SPG21: variants seen among roughly 807,000 people sequenced by gnomAD.
The protein encoded by SPG21 is SPG21 abhydrolase domain containing, maspardin, also known as maspardin.
Under a neutral mutation model 38.9 loss-of-function variants are expected in SPG21, and 26 were observed. The ratio of observed to expected loss-of-function variants is 0.67; its 90% CI spans 0.49 to 0.93. The LOEUF (loss-of-function observed/expected upper bound fraction) is 0.93. Among genes scored for constraint, SPG21 ranks in the 40% least tolerant of loss-of-function variants. SPG21 has a pLI of 0.00. For missense variants in SPG21, 333 were observed against 376.5 expected, an observed-to-expected ratio of 0.88 and a Z score of 0.96; for synonymous variants, 136 against 128.9, an observed-to-expected ratio of 1.05 and a Z score of -0.37.
intron 3 of SPG21, among the ~76,000 whole-genome samples, chr15:64,977,891 C>T (rs536953863): frequency 9.2e-5 from 14 of 152,020 alleles, no homozygotes; most frequent in African/African-American, 2.9e-4. Context: ...GGCGCGATCT[C>T]GGCTCACTGC....
In SPG21 at chr15:64,969,355, C is replaced by T. The variant is rs899108970; in HGVS notation, c.569G>A (p.Ser190Asn). 8.1e-6 allele frequency: 13 copies of T among 1,611,402 alleles called. No homozygotes were observed. The highest frequency in any genetic ancestry group is 8.5e-6 in the Non-Finnish European group (10 of 1,177,728). The change falls in exon 7 of 9, where the codon AGT (serine) becomes AAT (asparagine). Residue 190 changes from serine (S) to asparagine (N), a missense_variant. Transcript: ENST00000204566. ...AIDFMVDRLE[S>N]LGQSELASRL... is the part of the protein sequence containing the mutation. ...TGAAGCCAGTTCACTCTGACCCAAA[C>T]TTTCTAGCTGCAGGAAGAAACACAG...
Position 64,965,411 on chromosome 15 carries a change from T to C in SPG21, c.719A>G (p.Lys240Arg), listed in dbSNP as rs925146441. 4 of 1,614,188 alleles carry C rather than the reference T, an allele frequency of 2.5e-6. No homozygotes were observed. In the East Asian group the frequency reaches 8.9e-5, roughly 36 times the overall value. Residue 240 changes from lysine (K) to arginine (R), a missense_variant, in exon 8 of 9, where the codon AAG becomes AGG. Physicochemically the swap from Lys to Arg is conservative, Grantham distance 26. Transcript: ENST00000204566. ...AGCTCTTCGGGCATTAGGATACAGC[T>C]TGTACATTTCTTCTTTAGCTTCAGT... is the stretch of plus-strand genomic sequence containing the variant. The part of the protein sequence containing the change: ...LSTEAKEEMY[K>R]LYPNARRAHL...
chr15:64,974,132 C>T (rs2085728603), intron 5 of SPG21, among the ~76,000 whole-genome samples: 1 of 152,124 alleles, frequency 6.6e-6, no homozygotes, highest in Non-Finnish European at 1.5e-5. Flanking sequence ...AGAGTTCATT[C>T]AATTCTTTCC....
intron 3 of SPG21, among the ~76,000 whole-genome samples, chr15:64,977,105 G>A (rs140707159): frequency 1.3e-5 from 2 of 152,162 alleles, no homozygotes; most frequent in East Asian, 3.9e-4. Flanking sequence ...CTCCTCTGTT[G>A]CCCAGGCTGG....
At chr15:64,982,859 T>C (rs894888049) in intron 2 of SPG21, 3 of 152,260 alleles carry the variant, frequency 2.0e-5, no homozygotes, top group East Asian at 1.9e-4. Flanking sequence ...GGAACAGGAA[T>C]ATAATCTGAC....
Position 64,965,418 on chromosome 15 carries a change from T to C in SPG21, c.712A>G (p.Met238Val). ...CGGGCATTAGGATACAGCTTGTACA[T>C]TTCTTCTTTAGCTTCAGTTGAAAGC... ...SALSTEAKEE[M>V]YKLYPNARRA... The change falls in exon 8 of 9, where the codon ATG becomes GTG. Residue 238 changes from methionine to valine, a missense_variant. Coordinates refer to ENST00000204566, the MANE Select transcript of SPG21 (RefSeq NM_016630.7). 1 of 1,614,190 alleles carries C rather than the reference T, an allele frequency of 6.2e-7. No individual in the cohort carries two copies. The highest frequency in any genetic ancestry group is 1.3e-5 in the African/African-American group (1 of 75,040).
intron 1 of SPG21, among the ~76,000 whole-genome samples, chr15:64,984,697 A>G (rs957863630): frequency 6.6e-6 from 1 of 151,934 alleles, no homozygotes; most frequent in Non-Finnish European, 1.5e-5. Context: ...TAAATTCGCA[A>G]TACACCATAA....
At chr15:64,971,008 G>A (rs1475455293) in intron 5 of SPG21, among the ~76,000 whole-genome samples, 1 of 151,918 alleles carries the variant, frequency 6.6e-6, no homozygotes, top group Non-Finnish European at 1.5e-5. Flanking sequence ...CCACAGTGCT[G>A]GGATCACAGG....
At chr15:64,969,969 C>G in intron 6 of SPG21, 145 bp downstream of exon 6, 1 of 794,000 alleles carries the variant, frequency 1.3e-6, no homozygotes, top group Admixed American at 1.7e-5. Context: ...CAAGCCCTTA[C>G]CAGCAATAAT....
chr15:64,970,306 C>T lies in SPG21; in HGVS notation c.453-84G>A, dbSNP rs112983362. On this transcript the variant is annotated intron_variant, in intron 5 of 8. Transcript: ENST00000204566. ...ATTCAACATTAAAGCTTTGTATTAGCTTGGGATCTAGAAATAAAAAGTCCT... is the reference window on the plus strand; with the variant it reads ...ATTCAACATTAAAGCTTTGTATTAGTTTGGGATCTAGAAATAAAAAGTCCT... The T allele has an allele frequency of 7.5e-6, 9 of 1,195,002 alleles. No individual in the cohort carries two copies. In the Admixed American group the frequency reaches 1.4e-4, roughly 18 times the overall value. The allele number at this position is 1,195,002 out of a possible 1,614,324, so 74.0% of individuals were successfully genotyped here.
Position 64,974,505 on chromosome 15 carries a change from A to G in SPG21, c.452+97T>C, listed in dbSNP as rs1027232832. The G allele has an allele frequency of 1.1e-4, 158 of 1,427,268 alleles. 1 individual carries two copies. In the African/African-American group the frequency reaches 2.1e-3, roughly 19 times the overall value. 88.4% of individuals were successfully genotyped at this position (1,427,268 alleles called of 1,614,324 possible). A position where few individuals can be genotyped will look rare whatever the true frequency, so the allele number is the denominator to read the frequency against. On this transcript the variant is annotated intron_variant, in intron 5 of 8. Transcript: ENST00000204566. Reference sequence around the variant, plus strand: ...AAAAGCCAAGGAAGTTGCAGAATATAGAAGTAGATATAAGTCTTCCCTTCC... The same window carrying G: ...AAAAGCCAAGGAAGTTGCAGAATATGGAAGTAGATATAAGTCTTCCCTTCC...
In SPG21 at chr15:64,965,301, G is replaced by T; in HGVS notation, c.810+19C>A. 1 of 1,614,154 alleles carries T rather than the reference G, an allele frequency of 6.2e-7. No homozygotes were observed. The highest frequency in any genetic ancestry group is 8.5e-7 in the Non-Finnish European group (1 of 1,180,030). On this transcript the variant is annotated intron_variant, in intron 8 of 8. Coordinates refer to ENST00000204566, the MANE Select transcript of SPG21 (RefSeq NM_016630.7). ...ATATGTTGGGCTCAGAGTGCTCTGG[G>T]TTTCAAGCTAGGCCTTACCTGTACA...
chr15:64,989,149 C>G (rs2086063598), intron 1 of SPG21: 2 of 152,164 alleles, frequency 1.3e-5, no homozygotes, highest in South Asian at 4.1e-4. Flanking sequence ...CGCTCTGTTC[C>G]TCATCCCCCG....
intron 3 of SPG21, among the ~76,000 whole-genome samples, chr15:64,978,545 C>T (rs537425838): frequency 7.2e-5 from 11 of 152,232 alleles, no homozygotes; most frequent in Admixed American, 2.6e-4. Flanking sequence ...TGATGAATCA[C>T]TGGAATGGAT....
chr15:64,973,884 GA>G (rs1566927368), intron 5 of SPG21, among the ~76,000 whole-genome samples: 1 of 152,130 alleles, frequency 6.6e-6, no homozygotes, highest in African/African-American at 2.4e-5. Context: ...ATTGGAAAGG[GA>G]AAAAACCCAG....
intron 1 of SPG21, among the ~76,000 whole-genome samples, chr15:64,984,691 T>C (rs2085953172): frequency 6.6e-6 from 1 of 151,786 alleles, no homozygotes; most frequent in Non-Finnish European, 1.5e-5. Context: ...TCCTGATAAA[T>C]TCGCAATACA....
intron 7 of SPG21, among the ~76,000 whole-genome samples, chr15:64,967,664 G>C (rs2085569845): frequency 6.6e-6 from 1 of 152,020 alleles, no homozygotes; most frequent in Admixed American, 6.6e-5. Flanking sequence ...AGTAGAGACG[G>C]GTTTCACCAC....
chr15:64,974,626 A>G lies in SPG21; in HGVS notation c.428T>C (p.Phe143Ser). The change falls in exon 5 of 9, where the codon TTC becomes TCC. Residue 143 changes from phenylalanine (F) to serine (S), a missense_variant. Phe to Ser is a radical substitution (Grantham distance 155). Transcript: ENST00000204566. Reference protein sequence around the residue: ...LCNSFSDTSIFNQTWTANSFW... With the variant: ...LCNSFSDTSISNQTWTANSFW... ...CCTGTTTGCAGTCCAAGTTTGGTTG[A>G]AGATAGAGGTGTCACTGAAGGAATT... The G allele has an allele frequency of 6.2e-7, 1 of 1,614,222 alleles. No homozygotes were observed. Among genetic ancestry groups the G allele is most frequent in the Non-Finnish European group, 8.5e-7 (1 of 1,180,040 alleles).
At chr15:64,989,045 AACCAGTGT>A (rs1157744338) in intron 1 of SPG21, 1 of 152,084 alleles carries the variant, frequency 6.6e-6, no homozygotes, top group Non-Finnish European at 1.5e-5. Flanking sequence ...AAAGGAGCTG[AACCAGTGT>A]AGGTGGAGAC....
Sources: allele counts gnomAD v4.1 joint callset (sites outside exome capture counted in the v4.1 genomes callset), GRCh38; gene constraint gnomAD v4.1.1; transcripts MANE v1.5; gene names NCBI Gene and HGNC (gene_info 2026-07-23, HGNC 2026-07-21).